Variants in TOGARAM1 observed in about 807,000 individuals in gnomAD.
TOGARAM1 encodes the protein TOG array regulator of axonemal microtubules protein 1.
TOGARAM1 carries 100 observed loss-of-function variants against 166.6 expected under a neutral mutation model. That is an observed-to-expected ratio of 0.60 (90% CI 0.51 to 0.71). The LOEUF (loss-of-function observed/expected upper bound fraction) is 0.71. Among genes scored for constraint, TOGARAM1 ranks in the 30% least tolerant of loss-of-function variants. TOGARAM1 has a pLI of 0.00. For synonymous variants in TOGARAM1, 758 were observed against 763.8 expected, an observed-to-expected ratio of 0.99 and a Z score of 0.13; for missense variants, 2,029 against 2,102.7, an observed-to-expected ratio of 0.96 and a Z score of 0.69.
intron 13 of TOGARAM1, among the ~76,000 whole-genome samples, chr14:45,045,865 A>C (rs1021805245): frequency 6.6e-6 from 1 of 151,090 alleles, no homozygotes; most frequent in African/African-American, 2.4e-5. Flanking sequence ...ATACATGTGC[A>C]AGTATCTTTT....
At chr14:45,025,720 TA>T in intron 7 of TOGARAM1, 62 bp from the exon 8 acceptor site, 2 of 907,222 alleles carry the variant, frequency 2.2e-6, no homozygotes, top group Non-Finnish European at 3.6e-6. Context: ...TACAATATCC[TA>T]AGATACTACA....
intron 11 of TOGARAM1, among the ~76,000 whole-genome samples, chr14:45,032,755 G>A (rs10147499): frequency 0.16 from 24,377 of 152,094 alleles, 3,659 homozygotes; most frequent in African/African-American, 0.4. Context: ...AGCCCAGCCA[G>A]TAACTCAAGG....
At chr14:45,025,314 C>G (rs917909078) in intron 7 of TOGARAM1, among the ~76,000 whole-genome samples, 1 of 152,028 alleles carries the variant, frequency 6.6e-6, no homozygotes, top group Non-Finnish European at 1.5e-5. Flanking sequence ...GCCTGTAATA[C>G]CAGCACTTTG....
intron 1 of TOGARAM1, 74 bp from the exon 2 acceptor site, chr14:44,995,672 C>G: frequency 1.9e-6 from 2 of 1,029,914 alleles, no homozygotes; most frequent in South Asian, 3.5e-5. Flanking sequence ...ATAATTGGAT[C>G]TAAGTTATTT....
intron 5 of TOGARAM1, 60 bp downstream of exon 5, chr14:45,006,327 C>A: frequency 1.6e-6 from 2 of 1,234,478 alleles, no homozygotes; most frequent in Non-Finnish European, 2.2e-6. Context: ...AATATAGTTG[C>A]TATTTAAGGA....
chr14:45,026,805 C>T (rs1174131804), intron 8 of TOGARAM1, among the ~76,000 whole-genome samples: 1 of 150,490 alleles, frequency 6.6e-6, no homozygotes, highest in African/African-American at 2.5e-5. Flanking sequence ...CAAGACCAGC[C>T]TGGACAACAT....
At chr14:44,976,086 T>C (rs939049500) in intron 1 of TOGARAM1, among the ~76,000 whole-genome samples, 4 of 152,158 alleles carry the variant, frequency 2.6e-5, no homozygotes, top group African/African-American at 9.7e-5. Context: ...GAATCTGATC[T>C]TGTAACCCAC....
In TOGARAM1 at chr14:45,044,092, C is replaced by G. The variant is rs537068380; in HGVS notation, c.3918+301C>G. Reference sequence around the variant, plus strand: ...TGGTGGGATCTCGGGTCACTGCAACCTTCTCCTCCTAGGTTCAAGAGACTC... The same window carrying G: ...TGGTGGGATCTCGGGTCACTGCAACGTTCTCCTCCTAGGTTCAAGAGACTC... On this transcript the variant is annotated intron_variant, in intron 12 of 19. Transcript: ENST00000361462. Among the ~76,000 whole-genome samples, 103 of 152,054 alleles carry G rather than the reference C, an allele frequency of 6.8e-4. 1 individual carries two copies. Among genetic ancestry groups the G allele is most frequent in the African/African-American group, 2.2e-3 (92 of 41,476 alleles).
At chr14:45,009,362 G>C (rs1879657251) in intron 6 of TOGARAM1, among the ~76,000 whole-genome samples, 1 of 152,188 alleles carries the variant, frequency 6.6e-6, no homozygotes, top group Non-Finnish European at 1.5e-5. Context: ...CTGTAAACCA[G>C]AGCACCTAAA....
At chr14:45,024,282 A>G (rs1880698057) in intron 7 of TOGARAM1, among the ~76,000 whole-genome samples, 1 of 152,150 alleles carries the variant, frequency 6.6e-6, no homozygotes, top group African/African-American at 2.4e-5. Context: ...ACTAGATTCC[A>G]TGATTTACTA....
At position 44,962,276 on chromosome 14, in the gene TOGARAM1, T is replaced by C. The variant is rs1885179844; in HGVS notation, c.-146T>C. ...TTTTGCCAGAGGCTGCCTCCCGGAG[T>C]TGGGGGCGGCCTGGCGGCAGGCTGA... On this transcript the variant is annotated 5_prime_UTR_variant, in exon 1 of 20. Transcript: ENST00000361462. 32 of 1,000,016 alleles carry C rather than the reference T, an allele frequency of 3.2e-5. No individual in the cohort carries two copies. Among genetic ancestry groups the C allele is most frequent in the Non-Finnish European group, 4.1e-5 (30 of 728,926 alleles). The allele number at this position is 1,000,016 out of a possible 1,614,324, so 61.9% of individuals were successfully genotyped here. A position where few individuals can be genotyped will look rare whatever the true frequency, so the allele number is the denominator to read the frequency against.
At chr14:45,016,135 C>A (rs1020048299) in intron 7 of TOGARAM1, among the ~76,000 whole-genome samples, 2 of 152,086 alleles carry the variant, frequency 1.3e-5, no homozygotes, top group African/African-American at 4.8e-5. Context: ...GTGGCTGACA[C>A]CTGTAATCCC....
chr14:45,029,946 C>T (rs575506305), intron 10 of TOGARAM1, among the ~76,000 whole-genome samples: 1 of 152,048 alleles, frequency 6.6e-6, no homozygotes, highest in African/African-American at 2.4e-5. Flanking sequence ...CTCAGCTTCC[C>T]GAGTAGCTGG....
intron 13 of TOGARAM1, 82 bp from the exon 14 acceptor site, chr14:45,046,463 C>T: frequency 3.3e-6 from 4 of 1,203,242 alleles, no homozygotes; most frequent in Non-Finnish European, 1.1e-6. Flanking sequence ...TACAAACAAA[C>T]AAAAACAACC....
chr14:45,028,058 G>T, intron 9 of TOGARAM1, 118 bp from the exon 10 acceptor site: 1 of 745,870 alleles, frequency 1.3e-6, no homozygotes, highest in Non-Finnish European at 2.1e-6. Flanking sequence ...CTGTTTTCTA[G>T]GACACACTTA....
intron 10 of TOGARAM1, among the ~76,000 whole-genome samples, chr14:45,029,928 T>G (rs1881062753): frequency 6.6e-6 from 1 of 152,188 alleles, no homozygotes; most frequent in Non-Finnish European, 1.5e-5. Flanking sequence ...TTCAAGCGAT[T>G]CTTCTGCCTC....
Position 44,962,456 on chromosome 14 carries a change from C to G in TOGARAM1, c.35C>G (p.Pro12Arg). 4.4e-6 allele frequency: 7 copies of G among 1,584,408 alleles called. No homozygotes were observed. The highest frequency in any genetic ancestry group is 5.1e-6 in the Non-Finnish European group (6 of 1,165,592). The change falls in exon 1 of 20, where the codon CCG becomes CGG. Residue 12 changes from proline to arginine, a missense_variant. Coordinates refer to ENST00000361462, the MANE Select transcript of TOGARAM1 (RefSeq NM_001308120.2). ...AAAPSALLLLPPFPVLSTYRL... is the reference protein window; with the variant it reads ...AAAPSALLLLRPFPVLSTYRL... ...GCCCCCTCCGCGCTGCTTCTGCTGC[C>G]GCCCTTTCCAGTCCTCTCTACCTAT... is the stretch of plus-strand genomic sequence containing the variant.
intron 16 of TOGARAM1, among the ~76,000 whole-genome samples, chr14:45,059,372 G>C (rs1314851885): frequency 6.6e-6 from 1 of 152,184 alleles, no homozygotes; most frequent in Non-Finnish European, 1.5e-5. Flanking sequence ...TATTGGCTGG[G>C]TGCAGTGGTA....
intron 13 of TOGARAM1, among the ~76,000 whole-genome samples, chr14:45,045,531 TGGTC>T (rs1881944393): frequency 1.1e-5 from 1 of 93,576 alleles, no homozygotes; most frequent in Non-Finnish European, 2.0e-5. Flanking sequence ...TAGTATTCCA[TGGTC>T]TGTGTGTGTA....
Sources: gnomAD v4.1 joint callset for allele counts (sites outside exome capture counted in the v4.1 genomes callset) on GRCh38, gnomAD v4.1.1 for gene constraint, MANE v1.5 for transcripts, NCBI Gene and HGNC (gene_info 2026-07-23, HGNC 2026-07-21) for gene names.